Variants in AUTS2 observed in about 807,000 individuals in gnomAD.
The protein encoded by AUTS2 is autism susceptibility gene 2 protein.
A neutral mutation model predicts 112.4 loss-of-function variants in AUTS2; 17 were observed. The ratio of observed to expected loss-of-function variants is 0.15; its 90% confidence interval spans 0.10 to 0.23. AUTS2 has a LOEUF of 0.23. Ranked by LOEUF, AUTS2 falls within the 10% of genes least tolerant of loss-of-function variation. AUTS2 has a pLI of 1.00. For missense variants in AUTS2, 1,510 were observed against 1,701.6 expected (o/e 0.89, Z 1.98); for synonymous variants, 751 against 702.7 (o/e 1.07, Z -1.09).
intron 1 of AUTS2, among the ~76,000 whole-genome samples, chr7:69,740,565 C>T (rs934366541): frequency 2.0e-5 from 3 of 151,864 alleles, no homozygotes; most frequent in Non-Finnish European, 4.4e-5. Flanking sequence ...CTCTTGTTGC[C>T]CAGGCTGGAG....
intron 4 of AUTS2, among the ~76,000 whole-genome samples, chr7:70,421,531 A>G (rs1795218762): frequency 6.6e-6 from 1 of 152,210 alleles, no homozygotes; most frequent in Non-Finnish European, 1.5e-5. Context: ...ACTGAAGGCC[A>G]GGAGACAAAG....
chr7:69,680,700 C>G (rs1562806226), intron 1 of AUTS2, among the ~76,000 whole-genome samples: 1 of 152,120 alleles, frequency 6.6e-6, no homozygotes, highest in Non-Finnish European at 1.5e-5. Flanking sequence ...GAGACGGGCT[C>G]TCTGTGTTGC....
At chr7:69,809,297 C>T (rs1009689177) in intron 1 of AUTS2, among the ~76,000 whole-genome samples, 35 of 151,944 alleles carry the variant, frequency 2.3e-4, no homozygotes, top group Non-Finnish European at 3.8e-4. Context: ...CCAGGATGGT[C>T]TCCATCTCCT....
chr7:70,137,521 G>A (rs919175687), intron 4 of AUTS2, among the ~76,000 whole-genome samples: 2 of 148,070 alleles, frequency 1.4e-5, no homozygotes, highest in East Asian at 2.0e-4. Context: ...CAATTTAAAC[G>A]TTTTAGGCTG....
At chr7:70,029,260 CT>C (rs34751901) in intron 2 of AUTS2, among the ~76,000 whole-genome samples, 36,125 of 124,768 alleles carry the variant, frequency 0.29, 4,816 homozygotes, top group Middle Eastern at 0.4. Context: ...TCCAGGGATA[CT>C]TTTTTTTTTT....
At chr7:70,689,754 C>A (rs540877731) in intron 5 of AUTS2, among the ~76,000 whole-genome samples, 1 of 124,586 alleles carries the variant, frequency 8.0e-6, no homozygotes, top group Non-Finnish European at 1.6e-5. Flanking sequence ...CCAGCCTAGG[C>A]GACAGAGCAA....
At chr7:70,462,271 A>C (rs1796997447) in intron 5 of AUTS2, among the ~76,000 whole-genome samples, 1 of 152,138 alleles carries the variant, frequency 6.6e-6, no homozygotes, top group African/African-American at 2.4e-5. Flanking sequence ...AAAACAAAAT[A>C]AAAATAATAA....
At chr7:69,640,661 C>T (rs1396164853) in intron 1 of AUTS2, among the ~76,000 whole-genome samples, 1 of 152,150 alleles carries the variant, frequency 6.6e-6, no homozygotes, top group East Asian at 1.9e-4. Flanking sequence ...GATTACCTGC[C>T]TTCAAATATT....
chr7:70,174,984 A>T (rs1443546576), intron 4 of AUTS2, among the ~76,000 whole-genome samples: 2 of 152,190 alleles, frequency 1.3e-5, no homozygotes, highest in African/African-American at 2.4e-5. Flanking sequence ...AATGCATTTC[A>T]TAAGGCTTTA....
intron 4 of AUTS2, among the ~76,000 whole-genome samples, chr7:70,192,031 G>A (rs752187648): frequency 5.9e-5 from 9 of 151,970 alleles, no homozygotes; most frequent in Non-Finnish European, 1.0e-4. Context: ...TAAATGCCTG[G>A]ATTTTGAAAC....
At chr7:69,875,593 T>C (rs1273066187) in intron 1 of AUTS2, among the ~76,000 whole-genome samples, 1 of 152,174 alleles carries the variant, frequency 6.6e-6, no homozygotes, top group African/African-American at 2.4e-5. Flanking sequence ...ACAGGTCTGT[T>C]TGTGACACAA....
intron 1 of AUTS2, among the ~76,000 whole-genome samples, chr7:69,702,213 G>C (rs896590507): frequency 6.6e-6 from 1 of 152,198 alleles, no homozygotes; most frequent in Admixed American, 6.5e-5. Flanking sequence ...TCATTTTGGG[G>C]AAAGTAGGTA....
At chr7:69,843,755 A>G (rs542309303) in intron 1 of AUTS2, among the ~76,000 whole-genome samples, 1 of 152,306 alleles carries the variant, frequency 6.6e-6, no homozygotes, top group Admixed American at 6.5e-5. Context: ...ATGGTAATCA[A>G]CTAGTCTTTG....
At chr7:69,998,204 A>G (rs960865160) in intron 2 of AUTS2, among the ~76,000 whole-genome samples, 1 of 152,078 alleles carries the variant, frequency 6.6e-6, no homozygotes, top group Non-Finnish European at 1.5e-5. Context: ...ATCTACCTCA[A>G]ACTGTAAACT....
chr7:70,121,099 A>G (rs1290895745), intron 3 of AUTS2, among the ~76,000 whole-genome samples: 9 of 152,210 alleles, frequency 5.9e-5, no homozygotes, highest in Non-Finnish European at 2.9e-5. Context: ...CAATGGGGAA[A>G]GAATTTTCTC....
At chr7:70,402,115 C>G (rs1794351491) in intron 4 of AUTS2, among the ~76,000 whole-genome samples, 1 of 152,250 alleles carries the variant, frequency 6.6e-6, no homozygotes. Context: ...TGATGTCACA[C>G]TGTGAAAATA....
At chr7:69,798,219 G>A (rs1789932940) in intron 1 of AUTS2, among the ~76,000 whole-genome samples, 1 of 152,106 alleles carries the variant, frequency 6.6e-6, no homozygotes, top group Admixed American at 6.5e-5. Context: ...TTTATAAACT[G>A]TAGTGTGTTT....
intron 5 of AUTS2, among the ~76,000 whole-genome samples, chr7:70,479,000 G>T (rs1044504340): frequency 6.6e-6 from 1 of 151,426 alleles, no homozygotes; most frequent in African/African-American, 2.4e-5. Flanking sequence ...GAATTAAGAT[G>T]AAAATGAAGA....
rs61213945 is a variant in AUTS2 at position 69,933,656 on chromosome 7, T to TTTTTTTG, written c.522+34180_522+34186dup. ...CACTTGCCACTTTCCTTTCCCTTCC[T>TTTTTTTG]TTTTTTGTTTTTTGTTTTTTGTTTT... On this transcript the variant is annotated intron_variant, in intron 2 of 18. Transcript: ENST00000342771. Among the ~76,000 whole-genome samples, 5 of 152,080 alleles carry TTTTTTTG rather than the reference T, an allele frequency of 3.3e-5. No individual in the cohort carries two copies. In the East Asian group the frequency reaches 5.8e-4, roughly 18 times the overall value.
Sources: allele counts gnomAD v4.1 joint callset (sites outside exome capture counted in the v4.1 genomes callset), GRCh38; gene constraint gnomAD v4.1.1; transcripts MANE v1.5; gene names NCBI Gene and HGNC (gene_info 2026-07-23, HGNC 2026-07-21).